RARB: variants seen among roughly 807,000 people sequenced by gnomAD.
RARB encodes HBV-activated protein.
Under a neutral mutation model 51.9 loss-of-function variants are expected in RARB, and 17 were observed. The ratio of observed to expected loss-of-function variants is 0.33; its 90% CI spans 0.22 to 0.49. The LOEUF is 0.49. Ranked by LOEUF, RARB falls within the 20% of genes least tolerant of loss-of-function variation. RARB has a pLI of 0.99. For missense variants in RARB, 369 were observed against 550.8 expected (o/e 0.67, Z 3.30); for synonymous variants, 215 against 195.4 (o/e 1.10, Z -0.84).
intron 5 of RARB, among the ~76,000 whole-genome samples, chr3:25,376,713 T>C (rs978128054): frequency 6.6e-6 from 1 of 152,228 alleles, no homozygotes; most frequent in Non-Finnish European, 1.5e-5. Context: ...CTGTTTCTAA[T>C]GGTATCAGGC....
chr3:24,984,313 G>A (rs1348073535), intron 2 of RARB, among the ~76,000 whole-genome samples: 1 of 152,194 alleles, frequency 6.6e-6, no homozygotes, highest in Non-Finnish European at 1.5e-5. Context: ...AAGTAGGTTT[G>A]TGACTGTTTG....
intron 5 of RARB, among the ~76,000 whole-genome samples, chr3:25,360,071 G>A (rs1705879860): frequency 6.6e-6 from 1 of 152,154 alleles, no homozygotes; most frequent in Admixed American, 6.6e-5. Context: ...TATAGACAGT[G>A]GGGTGTTAAA....
At chr3:24,984,888 A>G (rs926977892) in intron 2 of RARB, among the ~76,000 whole-genome samples, 4 of 152,348 alleles carry the variant, frequency 2.6e-5, no homozygotes, top group Admixed American at 2.0e-4. Context: ...TCCAAAAGCA[A>G]TAGCCTGCAA....
chr3:25,082,428 TA>T (rs1374151799), intron 3 of RARB, among the ~76,000 whole-genome samples: 2 of 152,068 alleles, frequency 1.3e-5, no homozygotes, highest in African/African-American at 4.8e-5. Flanking sequence ...TCAGTAATTA[TA>T]CCCCTTTATA....
intron 5 of RARB, among the ~76,000 whole-genome samples, chr3:25,379,981 A>G (rs1706577736): frequency 1.3e-5 from 2 of 152,332 alleles, no homozygotes; most frequent in East Asian, 3.9e-4. Context: ...GAAAGACTGC[A>G]GAAAGAATGA....
At chr3:25,454,343 G>C (rs1694780499) in intron 1 of RARB, among the ~76,000 whole-genome samples, 2 of 152,180 alleles carry the variant, frequency 1.3e-5, no homozygotes, top group South Asian at 2.1e-4. Context: ...GCTCTCTTTG[G>C]TGCCAACACA....
intron 2 of RARB, among the ~76,000 whole-genome samples, chr3:25,002,455 G>A (rs1421930833): frequency 5.9e-5 from 9 of 152,174 alleles, no homozygotes; most frequent in Non-Finnish European, 1.0e-4. Flanking sequence ...AACACACTGG[G>A]CATCATCCAG....
chr3:25,390,898 A>ATT (rs144944506), intron 5 of RARB, among the ~76,000 whole-genome samples: 15 of 151,592 alleles, frequency 9.9e-5, no homozygotes, highest in Admixed American at 7.2e-4. Flanking sequence ...AACTTTGATA[A>ATT]TTTTTGTTTT....
chr3:25,201,684 A>G (rs1701394032), intron 5 of RARB, among the ~76,000 whole-genome samples: 1 of 152,160 alleles, frequency 6.6e-6, no homozygotes, highest in Non-Finnish European at 1.5e-5. Flanking sequence ...ATCTGTTGAG[A>G]TAATCATGTG....
chr3:24,926,695 T>C (rs1338327811), intron 2 of RARB, among the ~76,000 whole-genome samples: 1 of 152,044 alleles, frequency 6.6e-6, no homozygotes, highest in Non-Finnish European at 1.5e-5. Context: ...TGGTACATCA[T>C]GATGGAGATG....
At chr3:25,063,000 G>A (rs1321218226) in intron 3 of RARB, among the ~76,000 whole-genome samples, 1 of 151,878 alleles carries the variant, frequency 6.6e-6, no homozygotes, top group Non-Finnish European at 1.5e-5. Context: ...ACAACTCATA[G>A]AGTTTGTGAA....
chr3:25,387,675 C>G (rs141296414), intron 5 of RARB, among the ~76,000 whole-genome samples: 1 of 152,068 alleles, frequency 6.6e-6, no homozygotes, highest in Admixed American at 6.5e-5. Flanking sequence ...AAGTGGCTCA[C>G]CATCAGGTCC....
At position 25,042,875 on chromosome 3, in the gene RARB, CT is replaced by C. The variant is rs962908999; in HGVS notation, c.-379-17249del. On this transcript the variant is annotated intron_variant, in intron 2 of 11. Transcript: ENST00000383772. ...CCCATTTCCTCTACCCCTCCAGCCC[CT>C]GACAACCACTTTTCTACTCTCTCCT... 1.1e-4 allele frequency among the ~76,000 whole-genome samples: 16 copies of C among 152,346 alleles called. No individual in the cohort carries two copies. In the South Asian group the frequency reaches 2.3e-3, roughly 22 times the overall value.
chr3:24,941,245 C>A (rs962784617), intron 2 of RARB, among the ~76,000 whole-genome samples: 1 of 152,108 alleles, frequency 6.6e-6, no homozygotes, highest in Non-Finnish European at 1.5e-5. Context: ...CCTTCCTTAG[C>A]ATTCTTGGAG....
At chr3:25,288,524 A>C (rs1703709609) in intron 5 of RARB, among the ~76,000 whole-genome samples, 1 of 152,146 alleles carries the variant, frequency 6.6e-6, no homozygotes, top group Non-Finnish European at 1.5e-5. Context: ...CATTTAAATA[A>C]CCCATGAGCC....
At chr3:25,593,730 TC>T in intron 6 of RARB, 23 bp downstream of exon 6, 2 of 1,600,104 alleles carry the variant, frequency 1.2e-6, no homozygotes, top group Admixed American at 3.4e-5. Flanking sequence ...TAGAAAAGCC[TC>T]ATGAAATTCC....
chr3:24,848,942 G>A (rs1201770397), intron 1 of RARB, among the ~76,000 whole-genome samples: 2 of 152,088 alleles, frequency 1.3e-5, no homozygotes, highest in African/African-American at 2.4e-5. Flanking sequence ...ACTCACTTTG[G>A]ACAGCCTTGC....
At chr3:25,317,498 A>C (rs1315109234) in intron 5 of RARB, among the ~76,000 whole-genome samples, 3 of 152,168 alleles carry the variant, frequency 2.0e-5, no homozygotes, top group Non-Finnish European at 4.4e-5. Context: ...GTCTCATTTC[A>C]TGGTCAAATC....
At chr3:25,538,535 G>A (rs1023209565) in intron 3 of RARB, among the ~76,000 whole-genome samples, 8 of 152,206 alleles carry the variant, frequency 5.3e-5, no homozygotes, top group African/African-American at 1.9e-4. Context: ...GATGTTTGGT[G>A]TGCTATTTGT....
Sources: gnomAD v4.1 joint callset for allele counts (sites outside exome capture counted in the v4.1 genomes callset) on GRCh38, gnomAD v4.1.1 for gene constraint, MANE v1.5 for transcripts, NCBI Gene and HGNC (gene_info 2026-07-23, HGNC 2026-07-21) for gene names.